Variants in COL21A1 observed in about 807,000 individuals in gnomAD.
COL21A1 encodes the protein collagen type XXI alpha 1 chain.
COL21A1 carries 149 observed loss-of-function variants against 137.9 expected under a neutral mutation model. That is an observed-to-expected ratio of 1.08 (90% CI 0.95 to 1.24). The LOEUF (loss-of-function observed/expected upper bound fraction) is 1.24. Among genes scored for constraint, COL21A1 ranks in the 50% most tolerant of loss-of-function variants. The pLI, the probability that COL21A1 is intolerant of heterozygous loss-of-function variation, is 0.00. For synonymous variants in COL21A1, 456 were observed against 391.5 expected, an observed-to-expected ratio of 1.16 and a Z score of -1.95; for missense variants, 1,167 against 1,158.4, an observed-to-expected ratio of 1.01 and a Z score of -0.11.
chr6:56,204,960 A>T (rs959892637), intron 1 of COL21A1, among the ~76,000 whole-genome samples: 2 of 152,238 alleles, frequency 1.3e-5, no homozygotes, highest in African/African-American at 2.4e-5. Flanking sequence ...AAGGATGTCC[A>T]TTCAGAGATC....
intron 17 of COL21A1, among the ~76,000 whole-genome samples, chr6:56,083,218 A>G (rs1051664379): frequency 1.3e-5 from 2 of 151,868 alleles, no homozygotes; most frequent in Non-Finnish European, 1.5e-5. Flanking sequence ...CATTCAGGTT[A>G]TTGGCAGAAT....
intron 10 of COL21A1, among the ~76,000 whole-genome samples, chr6:56,148,637 A>C (rs2152246395): frequency 6.6e-6 from 1 of 152,292 alleles, no homozygotes; most frequent in Admixed American, 6.5e-5. Context: ...CACCATGTTC[A>C]GTTAAGGGTC....
In COL21A1 at chr6:56,095,408, C is replaced by T. The variant is rs9464340; in HGVS notation, c.1812+6064G>A. 3.4e-3 allele frequency among the ~76,000 whole-genome samples: 513 copies of T among 152,282 alleles called. 5 individuals carry two copies. Among genetic ancestry groups the T allele is most frequent in the African/African-American group, 0.012 (495 of 41,554 alleles). ...ATTTCAAATCCGTCCCACTCTCCCC[C>T]TCCCAACTCTGACCACTCTCACTTT... On this transcript the variant is annotated intron_variant, in intron 17 of 29. Transcript: ENST00000244728.
chr6:56,266,036 G>A (rs9382597), intron 1 of COL21A1, among the ~76,000 whole-genome samples: 36,938 of 152,136 alleles, frequency 0.24, 5,811 homozygotes, highest in East Asian at 0.67. Flanking sequence ...TGCTTTTAAC[G>A]AGGCAATTTT....
At chr6:56,070,501 C>A (rs1360713294) in intron 21 of COL21A1, among the ~76,000 whole-genome samples, 1 of 151,474 alleles carries the variant, frequency 6.6e-6, no homozygotes, top group Non-Finnish European at 1.5e-5. Flanking sequence ...TGTTTGCCTA[C>A]AATTTTACAA....
At chr6:56,205,173 T>C (rs139940882) in intron 1 of COL21A1, among the ~76,000 whole-genome samples, 2,065 of 152,124 alleles carry the variant, frequency 0.014, 45 homozygotes, top group African/African-American at 0.047. Flanking sequence ...AGGTGGGTAA[T>C]AACAAACTCC....
chr6:56,132,335 A>G (rs1459079073), intron 12 of COL21A1, among the ~76,000 whole-genome samples: 1 of 152,134 alleles, frequency 6.6e-6, no homozygotes, highest in Non-Finnish European at 1.5e-5. Flanking sequence ...GTGAATAGCA[A>G]TTTCTAAAAA....
intron 1 of COL21A1, among the ~76,000 whole-genome samples, chr6:56,195,706 C>T (rs764666366): frequency 6.6e-6 from 1 of 151,952 alleles, no homozygotes; most frequent in South Asian, 2.1e-4. Flanking sequence ...TCCTAACAGA[C>T]CTAGAACTAG....
intron 1 of COL21A1, among the ~76,000 whole-genome samples, chr6:56,341,566 CA>C (rs1262419945): frequency 6.6e-6 from 1 of 152,080 alleles, no homozygotes; most frequent in Non-Finnish European, 1.5e-5. Flanking sequence ...TCAGTGGTGT[CA>C]GGGATTAGGA....
intron 1 of COL21A1, among the ~76,000 whole-genome samples, chr6:56,307,751 C>T (rs1764506228): frequency 6.6e-6 from 1 of 152,182 alleles, no homozygotes; most frequent in Admixed American, 6.5e-5. Context: ...TTCCGACACT[C>T]CCCAGTGAGA....
intron 17 of COL21A1, among the ~76,000 whole-genome samples, chr6:56,098,642 T>C (rs1770065190): frequency 1.8e-5 from 1 of 56,296 alleles, no homozygotes; most frequent in African/African-American, 9.7e-5. Flanking sequence ...TATATAAATA[T>C]ATATAAATAT....
intron 1 of COL21A1, among the ~76,000 whole-genome samples, chr6:56,345,971 C>A (rs779248081): frequency 1.3e-5 from 2 of 152,214 alleles, no homozygotes; most frequent in African/African-American, 2.4e-5. Flanking sequence ...CTTTTCAACA[C>A]TTGGCTTTAT....
chr6:56,348,901 G>A (rs1765649376), intron 1 of COL21A1, among the ~76,000 whole-genome samples: 1 of 152,170 alleles, frequency 6.6e-6, no homozygotes, highest in African/African-American at 2.4e-5. Flanking sequence ...AAAGGGGATA[G>A]GTGTATCCAC....
chr6:56,317,696 C>T (rs1582776577), intron 1 of COL21A1, among the ~76,000 whole-genome samples: 1 of 152,202 alleles, frequency 6.6e-6, no homozygotes, highest in East Asian at 1.9e-4. Flanking sequence ...CACCTTCTGA[C>T]TACCACCTCG....
intron 1 of COL21A1, among the ~76,000 whole-genome samples, chr6:56,274,335 C>T (rs977965272): frequency 2.0e-5 from 3 of 152,154 alleles, no homozygotes; most frequent in Non-Finnish European, 4.4e-5. Flanking sequence ...CTCACCACTC[C>T]TATTCAACAT....
At chr6:56,127,073 A>G (rs1773107705) in intron 12 of COL21A1, among the ~76,000 whole-genome samples, 1 of 152,164 alleles carries the variant, frequency 6.6e-6, no homozygotes, top group South Asian at 2.1e-4. Flanking sequence ...CATTGGTTAT[A>G]GCTACATTTT....
rs552345411 is a variant in COL21A1 at position 56,182,788 on chromosome 6, G to C, written c.-38-132C>G. ...TGACTATTAGAATTAACTTAAATCT[G>C]TTTAAAACAGCCAAATGTTAAATAT... On this transcript the variant is annotated intron_variant, in intron 1 of 29. Transcript: ENST00000244728. 106 of 553,936 alleles carry C rather than the reference G, an allele frequency of 1.9e-4. 1 individual carries two copies. In the East Asian group the frequency reaches 2.5e-3, roughly 13 times the overall value. The allele number at this position is 553,936 out of a possible 1,614,324, so 34.3% of individuals were successfully genotyped here.
At chr6:56,372,839 T>C (rs1200265786) in intron 1 of COL21A1, among the ~76,000 whole-genome samples, 3 of 152,164 alleles carry the variant, frequency 2.0e-5, no homozygotes, top group African/African-American at 7.2e-5. Flanking sequence ...TTCTGTAGCA[T>C]CTGGAACTCC....
At chr6:56,233,059 G>T (rs955215459) in intron 1 of COL21A1, among the ~76,000 whole-genome samples, 5 of 151,770 alleles carry the variant, frequency 3.3e-5, no homozygotes, top group African/African-American at 4.8e-5. Context: ...AGGAAGAGTG[G>T]CCTCTTGAAC....
Sources: gnomAD v4.1 joint callset for allele counts (sites outside exome capture counted in the v4.1 genomes callset) on GRCh38, gnomAD v4.1.1 for gene constraint, MANE v1.5 for transcripts, NCBI Gene and HGNC (gene_info 2026-07-23, HGNC 2026-07-21) for gene names.